RAD51B: variants seen among roughly 807,000 people sequenced by gnomAD.
RAD51B encodes the protein DNA repair protein RAD51 homolog 2.
A neutral mutation model predicts 42.2 loss-of-function variants in RAD51B; 38 were observed. The ratio of observed to expected loss-of-function variants is 0.90; its 90% CI spans 0.70 to 1.18. The LOEUF is 1.18. Ranked by LOEUF, RAD51B falls within the 50% of genes most tolerant of loss-of-function variation. The pLI, the probability that RAD51B is intolerant of heterozygous loss-of-function variation, is 0.00. For synonymous variants in RAD51B, 154 were observed against 145.2 expected, an observed-to-expected ratio of 1.06 and a Z score of -0.43; for missense variants, 373 against 400.7, an observed-to-expected ratio of 0.93 and a Z score of 0.59.
At chr14:67,940,600 G>A (rs1450574726) in intron 7 of RAD51B, among the ~76,000 whole-genome samples, 1 of 152,072 alleles carries the variant, frequency 6.6e-6, no homozygotes, top group African/African-American at 2.4e-5. Context: ...CCAGAACTCA[G>A]CTTATTATGT....
intron 7 of RAD51B, among the ~76,000 whole-genome samples, chr14:68,114,375 A>T (rs1347472960): frequency 6.6e-6 from 1 of 152,086 alleles, no homozygotes; most frequent in East Asian, 1.9e-4. Context: ...CATTTGTTTT[A>T]TACTGACCCA....
chr14:68,212,325 A>ATATT (rs1421512181), intron 7 of RAD51B, among the ~76,000 whole-genome samples: 1 of 152,204 alleles, frequency 6.6e-6, no homozygotes, highest in Non-Finnish European at 1.5e-5. Context: ...TCTAAAAAGG[A>ATATT]TATTATCTTT....
chr14:68,357,585 G>T (rs1398165334), intron 8 of RAD51B, among the ~76,000 whole-genome samples: 3 of 151,982 alleles, frequency 2.0e-5, no homozygotes, highest in African/African-American at 7.3e-5. Flanking sequence ...CTTACAAATT[G>T]TATTTCTTAA....
chr14:68,269,060 T>C (rs2081050006), intron 7 of RAD51B, among the ~76,000 whole-genome samples: 1 of 152,202 alleles, frequency 6.6e-6, no homozygotes, highest in African/African-American at 2.4e-5. Context: ...TCTCTGCTTC[T>C]CCCAACACTC....
intron 8 of RAD51B, among the ~76,000 whole-genome samples, chr14:68,369,784 T>C (rs1428658794): frequency 2.0e-5 from 3 of 152,166 alleles, no homozygotes; most frequent in African/African-American, 4.8e-5. Flanking sequence ...CCTAGTCATT[T>C]CTCTGATCAC....
chr14:68,346,154 C>A (rs1157735856), intron 8 of RAD51B, among the ~76,000 whole-genome samples: 2 of 152,022 alleles, frequency 1.3e-5, no homozygotes, highest in African/African-American at 4.8e-5. Flanking sequence ...TATTTATATC[C>A]CATCTTTTTC....
intron 10 of RAD51B, among the ~76,000 whole-genome samples, chr14:68,517,902 G>A (rs1886273261): frequency 1.3e-5 from 2 of 152,096 alleles, no homozygotes; most frequent in African/African-American, 4.8e-5. Flanking sequence ...AATAAATAAG[G>A]TACATAAGGA....
At chr14:68,586,096 A>G (rs1350291041) in intron 10 of RAD51B, among the ~76,000 whole-genome samples, 2 of 152,088 alleles carry the variant, frequency 1.3e-5, no homozygotes, top group East Asian at 3.9e-4. Context: ...TAGCCTATGG[A>G]AGAGAAGATC....
downstream of RAD51B, chr14:68,611,682 A>G (rs535317773): frequency 8.0e-6 from 2 of 248,756 alleles, no homozygotes; most frequent in South Asian, 1.3e-4. Context: ...GGCAGTCTCA[A>G]ATGGGAATTT....
chr14:68,404,574 C>T (rs141991308), intron 8 of RAD51B, among the ~76,000 whole-genome samples: 27 of 152,296 alleles, frequency 1.8e-4, no homozygotes, highest in African/African-American at 6.5e-4. Flanking sequence ...CTCCCTCTCT[C>T]AAGTGATTCT....
chr14:68,067,337 G>A (rs149755426), intron 7 of RAD51B, among the ~76,000 whole-genome samples: 3,470 of 150,966 alleles, frequency 0.023, 51 homozygotes, highest in Non-Finnish European at 0.03. Context: ...GGTGGCAGGC[G>A]CCTGTAATCC....
chr14:67,923,624 C>T (rs889204290), intron 7 of RAD51B, among the ~76,000 whole-genome samples: 4 of 152,182 alleles, frequency 2.6e-5, no homozygotes, highest in Middle Eastern at 3.4e-3. Flanking sequence ...TTTATCCACT[C>T]GTTATTGATG....
intron 10 of RAD51B, among the ~76,000 whole-genome samples, chr14:68,470,294 G>A (rs1051427321): frequency 2.6e-5 from 4 of 152,164 alleles, no homozygotes; most frequent in Non-Finnish European, 5.9e-5. Flanking sequence ...ATCCCTCTCT[G>A]AGGTTTCCCA....
chr14:68,630,134 T>C (rs1327526634), intron 10 of RAD51B, among the ~76,000 whole-genome samples: 1 of 151,832 alleles, frequency 6.6e-6, no homozygotes, highest in Non-Finnish European at 1.5e-5. Context: ...AGGGAGTCTC[T>C]TCTCAGTACA....
intron 7 of RAD51B, among the ~76,000 whole-genome samples, chr14:68,194,728 T>C (rs1425674603): frequency 6.6e-6 from 1 of 152,212 alleles, no homozygotes; most frequent in African/African-American, 2.4e-5. Context: ...GAATGAGATA[T>C]GACAGTGTGG....
At chr14:68,122,524 TAAAG>T (rs1431668313) in intron 7 of RAD51B, among the ~76,000 whole-genome samples, 2 of 152,154 alleles carry the variant, frequency 1.3e-5, no homozygotes, top group African/African-American at 4.8e-5. Context: ...TTATTGAAGA[TAAAG>T]AAGCTTGATC....
At chr14:68,060,935 G>A (rs892556411) in intron 7 of RAD51B, among the ~76,000 whole-genome samples, 3 of 151,700 alleles carry the variant, frequency 2.0e-5, no homozygotes, top group African/African-American at 4.8e-5. Flanking sequence ...CATTGGTCTG[G>A]GTCTGTTTTT....
At chr14:68,430,646 A>C (rs1369559341) in intron 9 of RAD51B, among the ~76,000 whole-genome samples, 1 of 152,158 alleles carries the variant, frequency 6.6e-6, no homozygotes, top group Non-Finnish European at 1.5e-5. Context: ...AGGAGATTTT[A>C]GGCTGAGACG....
Position 67,950,439 on chromosome 14 carries a change from G to A in RAD51B, c.756+63235G>A, listed in dbSNP as rs544151581. On this transcript the variant is annotated intron_variant, in intron 7 of 10. Transcript: ENST00000471583. Reference sequence around the variant, plus strand: ...TTTTATAGCTTTCTTTCCTCTCTCAGCCTTCACAGAATTGAAGAGAGTTAG... The same window carrying A: ...TTTTATAGCTTTCTTTCCTCTCTCAACCTTCACAGAATTGAAGAGAGTTAG... Among the ~76,000 whole-genome samples the A allele has an allele frequency of 4.6e-5, 7 of 152,260 alleles. 1 individual carries two copies. The South Asian group carries it at 1.5e-3, about 32-fold the overall frequency.
Sources: allele counts gnomAD v4.1 joint callset (sites outside exome capture counted in the v4.1 genomes callset), GRCh38; gene constraint gnomAD v4.1.1; transcripts MANE v1.5; gene names NCBI Gene and HGNC (gene_info 2026-07-23, HGNC 2026-07-21).